Variants in NEGR1 observed in about 807,000 individuals in gnomAD.
NEGR1 encodes IgLON family member 4.
NEGR1 carries 10 observed loss-of-function variants against 40.9 expected under a neutral mutation model. The observed-to-expected ratio is 0.24, with a 90% CI of 0.15 to 0.42. NEGR1 has a LOEUF of 0.42. Among genes scored for constraint, NEGR1 ranks in the 10% least tolerant of loss-of-function variants. The pLI, the probability that NEGR1 is intolerant of heterozygous loss-of-function variation, is 1.00. For synonymous variants in NEGR1, 185 were observed against 166.8 expected (o/e 1.11, Z -0.84); for missense variants, 352 against 438.9 (o/e 0.80, Z 1.77).
chr1:71,532,536 G>A (rs1569995010), intron 6 of NEGR1, among the ~76,000 whole-genome samples: 1 of 151,552 alleles, frequency 6.6e-6, no homozygotes, highest in East Asian at 2.0e-4. Flanking sequence ...TTTTTTAATA[G>A]CTACTCCAAA....
At chr1:71,996,773 G>T (rs993026846) in intron 1 of NEGR1, among the ~76,000 whole-genome samples, 5 of 152,030 alleles carry the variant, frequency 3.3e-5, no homozygotes, top group African/African-American at 1.2e-4. Flanking sequence ...TTGCTTTCGA[G>T]AACTTTCTTT....
intron 1 of NEGR1, among the ~76,000 whole-genome samples, chr1:72,266,433 C>A (rs1655642458): frequency 6.6e-6 from 1 of 150,716 alleles, no homozygotes; most frequent in African/African-American, 2.4e-5. Flanking sequence ...TTCACTTACT[C>A]ATTTCTACAC....
chr1:71,905,677 G>A (rs763064605), intron 2 of NEGR1, among the ~76,000 whole-genome samples: 7 of 151,916 alleles, frequency 4.6e-5, no homozygotes, highest in African/African-American at 7.3e-5. Flanking sequence ...TTCTGACCTA[G>A]GAAAAGATAT....
intron 1 of NEGR1, among the ~76,000 whole-genome samples, chr1:72,102,386 T>C (rs1648980545): frequency 6.6e-6 from 1 of 151,758 alleles, no homozygotes; most frequent in Non-Finnish European, 1.5e-5. Context: ...TTAAAAAAAG[T>C]GCCAATTTAG....
rs565791092 is a variant in NEGR1, at chr1:71,497,130, G to T, written c.941-89560C>A. Among the ~76,000 whole-genome samples the T allele has an allele frequency of 1.2e-3, 190 of 152,216 alleles. 6 individuals carry two copies. The South Asian group carries it at 0.019, about 15-fold the overall frequency. On this transcript the variant is annotated intron_variant, in intron 6 of 6. Transcript: ENST00000357731. Reference sequence around the variant, plus strand: ...AATATTGAAATTTCCAGTACAAAATGCATTTCTAGTTGAAGTGATACCAGC... The same window carrying T: ...AATATTGAAATTTCCAGTACAAAATTCATTTCTAGTTGAAGTGATACCAGC...
chr1:72,078,649 T>G (rs188427756), intron 1 of NEGR1, among the ~76,000 whole-genome samples: 3 of 148,200 alleles, frequency 2.0e-5, no homozygotes, highest in African/African-American at 7.5e-5. Context: ...TTATTTATTT[T>G]TTTTTTTGAG....
chr1:72,216,465 A>C (rs1222061690), intron 1 of NEGR1, among the ~76,000 whole-genome samples: 1 of 148,416 alleles, frequency 6.7e-6, no homozygotes, highest in Admixed American at 6.8e-5. Flanking sequence ...TGGAAATATA[A>C]AATATATTTT....
At chr1:71,940,263 C>T (rs964714247) in intron 1 of NEGR1, among the ~76,000 whole-genome samples, 7 of 152,100 alleles carry the variant, frequency 4.6e-5, no homozygotes, top group Non-Finnish European at 5.9e-5. Flanking sequence ...TAAATATATC[C>T]TTTAATCGAG....
chr1:72,203,632 C>G (rs1251865195), intron 1 of NEGR1, among the ~76,000 whole-genome samples: 1 of 152,082 alleles, frequency 6.6e-6, no homozygotes, highest in Non-Finnish European at 1.5e-5. Flanking sequence ...AAAAATGACT[C>G]CAATGGTGAA....
chr1:71,682,753 C>T (rs1557611269), intron 4 of NEGR1, among the ~76,000 whole-genome samples: 1 of 152,140 alleles, frequency 6.6e-6, no homozygotes, highest in Non-Finnish European at 1.5e-5. Context: ...GTATTTTGGT[C>T]GTGGGGGCAG....
At chr1:71,867,936 A>C (rs1242217528) in intron 2 of NEGR1, among the ~76,000 whole-genome samples, 2 of 152,126 alleles carry the variant, frequency 1.3e-5, no homozygotes, top group Non-Finnish European at 1.5e-5. Context: ...TTCATCATTG[A>C]TTTTGTCCAG....
At chr1:71,659,806 A>G (rs1045463190) in intron 4 of NEGR1, among the ~76,000 whole-genome samples, 1 of 152,176 alleles carries the variant, frequency 6.6e-6, no homozygotes, top group Non-Finnish European at 1.5e-5. Flanking sequence ...GATGGCTATT[A>G]TCAAAAAGTT....
In NEGR1 at chr1:71,688,403, T is replaced by TATAAAAGACATATATAA. The variant is rs1557613864; in HGVS notation, c.667+9604_667+9605insTTATATATGTCTTTTAT. ...ATAAAAGATATATAAAATATATATA[T>TATAAAAGACATATATAA]AAGATATATATAAAAGATATATATA... On this transcript the variant is annotated intron_variant, in intron 4 of 6. Transcript: ENST00000357731. Among the ~76,000 whole-genome samples, 13 of 30,148 alleles carry TATAAAAGACATATATAA rather than the reference T, an allele frequency of 4.3e-4. 2 individuals carry two copies. Among genetic ancestry groups the TATAAAAGACATATATAA allele is most frequent in the Non-Finnish European group, 7.4e-4 (12 of 16,246 alleles). 19.8% of individuals were successfully genotyped at this position (30,148 alleles called of 152,430 possible).
chr1:72,230,864 C>T (rs1000863517), intron 1 of NEGR1, among the ~76,000 whole-genome samples: 2 of 152,106 alleles, frequency 1.3e-5, no homozygotes, highest in South Asian at 4.1e-4. Context: ...ATTCATGATT[C>T]AACATGGCAT....
At chr1:71,835,686 A>C (rs1659001588) in intron 2 of NEGR1, among the ~76,000 whole-genome samples, 1 of 152,112 alleles carries the variant, frequency 6.6e-6, no homozygotes, top group African/African-American at 2.4e-5. Flanking sequence ...TGAATCTTTC[A>C]GTTCCCTATT....
At chr1:72,171,989 TTCC>T (rs1349969667) in intron 1 of NEGR1, among the ~76,000 whole-genome samples, 1 of 152,154 alleles carries the variant, frequency 6.6e-6, no homozygotes, top group African/African-American at 2.4e-5. Flanking sequence ...ACTGGAGACC[TTCC>T]TTGTCAGGCC....
At chr1:72,238,740 C>A (rs1387542088) in intron 1 of NEGR1, among the ~76,000 whole-genome samples, 2 of 151,886 alleles carry the variant, frequency 1.3e-5, no homozygotes, top group African/African-American at 4.8e-5. Flanking sequence ...TCATGGGCTT[C>A]TCCTCCCACT....
chr1:71,968,634 A>G (rs1646230733), intron 1 of NEGR1, among the ~76,000 whole-genome samples: 1 of 152,236 alleles, frequency 6.6e-6, no homozygotes, highest in Non-Finnish European at 1.5e-5. Flanking sequence ...AAGGTTTTAC[A>G]AATTAAAGTG....
chr1:72,271,411 A>T (rs762312814), intron 1 of NEGR1, among the ~76,000 whole-genome samples: 3 of 151,816 alleles, frequency 2.0e-5, no homozygotes, highest in African/African-American at 7.3e-5. Context: ...AAGAAAGGTT[A>T]TTTTCATTAT....
Sources: gnomAD v4.1 joint callset for allele counts (sites outside exome capture counted in the v4.1 genomes callset) on GRCh38, gnomAD v4.1.1 for gene constraint, MANE v1.5 for transcripts, NCBI Gene and HGNC (gene_info 2026-07-23, HGNC 2026-07-21) for gene names.